EFL1: variants seen among roughly 807,000 people sequenced by gnomAD.
The protein encoded by EFL1 is elongation factor-like GTPase 1.
A neutral mutation model predicts 126.7 loss-of-function variants in EFL1; 76 were observed. That is an observed-to-expected ratio of 0.60 (90% confidence interval 0.50 to 0.73). EFL1 has a LOEUF of 0.73. Among genes scored for constraint, EFL1 ranks in the 30% least tolerant of loss-of-function variants. The probability of loss-of-function intolerance (pLI) is 0.00; values close to 1 mark genes in which losing one functional copy is unlikely to be tolerated. For synonymous variants in EFL1, 410 were observed against 448.4 expected (o/e 0.91, Z 1.08); for missense variants, 1,128 against 1,343.2 (o/e 0.84, Z 2.50).
chr15:82,180,292 T>C (rs1276094930), intron 15 of EFL1, among the ~76,000 whole-genome samples: 1 of 150,966 alleles, frequency 6.6e-6, no homozygotes, highest in Non-Finnish European at 1.5e-5. Flanking sequence ...CAGATATTTG[T>C]TGAATGAGTG....
At chr15:82,237,629 T>C (rs963309433) in intron 7 of EFL1, among the ~76,000 whole-genome samples, 4 of 151,938 alleles carry the variant, frequency 2.6e-5, no homozygotes, top group South Asian at 2.1e-4. Context: ...CATACAACTA[T>C]CATATGACCC....
intron 15 of EFL1, among the ~76,000 whole-genome samples, chr15:82,214,142 A>G (rs2074618181): frequency 6.6e-6 from 1 of 152,246 alleles, no homozygotes; most frequent in African/African-American, 2.4e-5. Context: ...TGGATGCAAG[A>G]GAAATTTCTT....
chr15:82,173,626 T>A (rs1176379334), intron 15 of EFL1, among the ~76,000 whole-genome samples: 5 of 152,220 alleles, frequency 3.3e-5, no homozygotes, highest in Non-Finnish European at 2.9e-5. Context: ...TATTCTATAA[T>A]TAACTTGTTT....
At position 82,151,666 on chromosome 15, in the gene EFL1, G is replaced by A. The variant is rs1429179356; in HGVS notation, c.2788C>T (p.Leu930=). 1 of 1,614,170 alleles carries A rather than the reference G, an allele frequency of 6.2e-7. No homozygotes were observed. Among genetic ancestry groups the A allele is most frequent in the Non-Finnish European group, 8.5e-7 (1 of 1,180,034 alleles). ...TCSGGNENQE[L]QDGCSEAFEK... ...AAGGCCTCAGAGCAGCCATCTTGTAGCTCTTGGTTTTCATTTCCACCAGAA... is the reference window on the plus strand; with the variant it reads ...AAGGCCTCAGAGCAGCCATCTTGTAACTCTTGGTTTTCATTTCCACCAGAA... The change falls in exon 18 of 20, where the codon CTA becomes TTA. Residue 930 remains leucine (L), a synonymous_variant. Transcript: ENST00000268206.
At chr15:82,159,152 A>AT (rs74333836) in intron 16 of EFL1, among the ~76,000 whole-genome samples, 23,895 of 143,518 alleles carry the variant, frequency 0.17, 3,455 homozygotes, top group African/African-American at 0.4. Context: ...GCATACTGTA[A>AT]TTTTTTTTTT....
intron 15 of EFL1, among the ~76,000 whole-genome samples, chr15:82,199,186 T>C (rs916626027): frequency 6.6e-6 from 1 of 152,154 alleles, no homozygotes. Flanking sequence ...GGAGAGGCTA[T>C]GTCAATGCAG....
At chr15:82,145,865 A>C (rs1185170376) in intron 18 of EFL1, among the ~76,000 whole-genome samples, 1 of 150,662 alleles carries the variant, frequency 6.6e-6, no homozygotes, top group African/African-American at 2.4e-5. Flanking sequence ...AAAATACCCC[A>C]AAAAACTCTT....
chr15:82,261,166 C>T (rs115183249), intron 2 of EFL1, among the ~76,000 whole-genome samples: 19 of 151,984 alleles, frequency 1.3e-4, no homozygotes, highest in African/African-American at 4.4e-4. Context: ...TTTTCCTAAC[C>T]CCTCACTTCC....
chr15:82,252,337 T>G (rs930680073), intron 4 of EFL1, among the ~76,000 whole-genome samples: 10 of 152,212 alleles, frequency 6.6e-5, no homozygotes, highest in African/African-American at 2.4e-4. Flanking sequence ...ATCACGGCAG[T>G]CTACCTTTAA....
At chr15:82,167,231 T>G (rs2074089053) in intron 15 of EFL1, among the ~76,000 whole-genome samples, 1 of 152,192 alleles carries the variant, frequency 6.6e-6, no homozygotes, top group African/African-American at 2.4e-5. Context: ...ACCAGTACTT[T>G]TGTCTGATTG....
chr15:82,196,755 C>T (rs1196909915), intron 15 of EFL1, among the ~76,000 whole-genome samples: 3 of 152,174 alleles, frequency 2.0e-5, no homozygotes, highest in East Asian at 3.9e-4. Context: ...TGGCTTCGGC[C>T]GGGAGCGGTG....
At chr15:82,140,336 T>C (rs1055254021) in intron 18 of EFL1, among the ~76,000 whole-genome samples, 59 of 152,274 alleles carry the variant, frequency 3.9e-4, no homozygotes, top group Non-Finnish European at 6.8e-4. Context: ...AATGCTTTTT[T>C]CCCCCAATTT....
At position 82,152,364 on chromosome 15, in the gene EFL1, G is replaced by T; in HGVS notation, c.2090C>A (p.Thr697Lys). 1.2e-6 allele frequency: 2 copies of T among 1,613,510 alleles called. No individual in the cohort carries two copies. Among genetic ancestry groups the T allele is most frequent in the Non-Finnish European group, 1.7e-6 (2 of 1,180,008 alleles). Residue 697 changes from threonine (T) to lysine (K), a missense_variant, in exon 18 of 20, where the codon ACA (threonine) becomes AAA (lysine). Physicochemically the swap from Thr to Lys is moderately conservative, Grantham distance 78. Around this residue, in one of 6 missense-constraint regions of EFL1, gnomAD observed 561 missense variants for 641.7 expected, o/e 0.87. Coordinates refer to ENST00000268206, the MANE Select transcript of EFL1 (RefSeq NM_024580.6). Reference sequence around the variant, plus strand: ...GACCATGTCAACTTTTGGGGGTTTTGTGATTGTTTCTCTGAATGGAATAAT... The same window carrying T: ...GACCATGTCAACTTTTGGGGGTTTTTTGATTGTTTCTCTGAATGGAATAAT... ...EPIIPFRETI[T>K]KPPKVDMVNE...
Position 82,152,287 on chromosome 15 carries a change from C to G in EFL1, c.2167G>C (p.Glu723Gln). The change falls in exon 18 of 20, where the codon GAA (glutamate) becomes CAA (glutamine). Residue 723 changes from glutamate to glutamine, a missense_variant. Transcript: ENST00000268206. ...QKVAVIHQMK[E>Q]DQSKIPEGIQ... ...CCTTCAGGGATTTTGCTTTGATCTT[C>G]TTTCATTTGGTGTATGACTGCAACT... 1 of 1,614,108 alleles carries G rather than the reference C, an allele frequency of 6.2e-7. No homozygotes were observed. Among genetic ancestry groups the G allele is most frequent in the Non-Finnish European group, 8.5e-7 (1 of 1,179,994 alleles).
At chr15:82,166,189 A>C (rs974979276) in intron 15 of EFL1, among the ~76,000 whole-genome samples, 6 of 152,220 alleles carry the variant, frequency 3.9e-5, no homozygotes, top group Admixed American at 2.0e-4. Context: ...CATGGTTTCA[A>C]TGAAAAGATA....
At chr15:82,242,120 G>C (rs1250671903) in intron 4 of EFL1, among the ~76,000 whole-genome samples, 4 of 152,134 alleles carry the variant, frequency 2.6e-5, no homozygotes, top group Non-Finnish European at 5.9e-5. Flanking sequence ...TTAGGTTATA[G>C]AGAGTTATCA....
intron 15 of EFL1, among the ~76,000 whole-genome samples, chr15:82,180,257 T>C (rs1473134295): frequency 4.6e-5 from 7 of 151,888 alleles, no homozygotes; most frequent in Non-Finnish European, 2.9e-5. Flanking sequence ...AGAATTGCTA[T>C]GCTTGGCATC....
intron 7 of EFL1, chr15:82,233,677 A>G (rs548409442): frequency 6.6e-6 from 1 of 152,290 alleles, no homozygotes; most frequent in Admixed American, 6.5e-5. Context: ...CCAAGTCAAT[A>G]TGCTTCTGCT....
In EFL1 at chr15:82,219,596, A is replaced by G. The variant is rs1449863497; in HGVS notation, c.1611+56T>C. On this transcript the variant is annotated intron_variant, in intron 14 of 19. Coordinates refer to ENST00000268206, the MANE Select transcript of EFL1 (RefSeq NM_024580.6). ...TAATCACCAGTCCCAACAAAATGTGAAAAGATATCAGACCCTCGAGAAACA... is the reference window on the plus strand; with the variant it reads ...TAATCACCAGTCCCAACAAAATGTGGAAAGATATCAGACCCTCGAGAAACA... 2.0e-6 allele frequency: 3 copies of G among 1,537,040 alleles called. No individual in the cohort carries two copies. The Admixed American group carries it at 6.2e-5, about 32-fold the overall frequency.
Sources: gnomAD v4.1 joint callset for allele counts (sites outside exome capture counted in the v4.1 genomes callset) on GRCh38, gnomAD v4.1.1 for gene constraint, gnomAD v4.1.1 regional missense constraint, MANE v1.5 for transcripts, NCBI Gene and HGNC (gene_info 2026-07-23, HGNC 2026-07-21) for gene names.